Variants in ASXL3 observed in about 807,000 individuals in gnomAD.
ASXL3 encodes the protein putative Polycomb group protein ASXL3.
In ASXL3, 34 loss-of-function variants were observed where a neutral mutation model predicts 170.6. That is an observed-to-expected ratio of 0.20 (90% CI 0.15 to 0.27). The LOEUF is 0.27. Among genes scored for constraint, ASXL3 ranks in the 10% least tolerant of loss-of-function variants. The pLI is 1.00. For missense variants in ASXL3, 2,592 were observed against 2,695.3 expected, an observed-to-expected ratio of 0.96 and a Z score of 0.85; for synonymous variants, 1,002 against 989.1, an observed-to-expected ratio of 1.01 and a Z score of -0.24.
At chr18:33,713,248 G>GTTTTTTTTTTTTT (rs1226619353) in intron 8 of ASXL3, among the ~76,000 whole-genome samples, 1 of 65,086 alleles carries the variant, frequency 1.5e-5, no homozygotes, top group Non-Finnish European at 2.9e-5. Context: ...GTTTTGTTTT[G>GTTTTTTTTTTTTT]TTTTTTTTTT....
At chr18:33,688,552 A>AG (rs1358136693) in intron 8 of ASXL3, among the ~76,000 whole-genome samples, 7 of 152,190 alleles carry the variant, frequency 4.6e-5, no homozygotes, top group Admixed American at 2.6e-4. Context: ...ATCACAGAGA[A>AG]GTATATGTAT....
intron 5 of ASXL3, 87 bp downstream of exon 5, chr18:33,661,824 A>ATTT (rs1396646863): frequency 1.3e-3 from 1,867 of 1,385,840 alleles, no homozygotes; most frequent in Non-Finnish European, 1.7e-3. Flanking sequence ...ACAATAACCT[A>ATTT]GCAATCAGAA....
Position 33,745,916 on chromosome 18 carries a change from C to T in ASXL3, c.6068C>T (p.Pro2023Leu). The T allele has an allele frequency of 1.3e-6, 2 of 1,577,436 alleles. No individual in the cohort carries two copies. Among genetic ancestry groups the T allele is most frequent in the East Asian group, 2.3e-5 (1 of 43,680 alleles). ...ALVHPPPPPP[P>L]PPPPPLALPP... ...GTACATCCGCCGCCGCCACCGCCTC[C>T]CCCTCCCCCTCCACCCTTGGCTTTG... Residue 2023 changes from proline to leucine, a missense_variant, in exon 12 of 12, where the codon CCC becomes CTC. Transcript: ENST00000269197.
chr18:33,581,915 A>G (rs998401081), intron 1 of ASXL3, among the ~76,000 whole-genome samples: 6 of 152,194 alleles, frequency 3.9e-5, no homozygotes, highest in African/African-American at 1.4e-4. Context: ...TAAAACAGTA[A>G]TACCACATCT....
rs1304339834 is a variant in ASXL3, at chr18:33,739,391, A to T, written c.1987A>T (p.Asn663Tyr). 6.2e-7 allele frequency: 1 copy of T among 1,613,856 alleles called. No homozygotes were observed. Residue 663 changes from asparagine to tyrosine, a missense_variant, in exon 11 of 12, where the codon AAC (asparagine) becomes TAC (tyrosine). Asn to Tyr is a moderately radical substitution (Grantham distance 143). This residue lies in a region of ASXL3 where 2,246 missense variants were observed against 2,219.6 expected (regional missense o/e 1.01). Transcript: ENST00000269197. The stretch of plus-strand genomic sequence containing the variant: ...TAGCACTGAAAATACAGACAAATAC[A>T]ACCAGAGAAATTCCACTGATGAAAA... The part of the protein sequence containing the change: ...VSSTENTDKY[N>Y]QRNSTDENFH...
At chr18:33,690,855 C>T (rs8086460) in intron 8 of ASXL3, among the ~76,000 whole-genome samples, 88,311 of 151,980 alleles carry the variant, frequency 0.58, 26,449 homozygotes, top group East Asian at 0.9. Flanking sequence ...TTTTCCTCTT[C>T]CTGTTAGACT....
chr18:33,742,814 T>TTATC (rs776086127), intron 11 of ASXL3, 74 bp from the exon 12 acceptor site: 33 of 1,484,030 alleles, frequency 2.2e-5, no homozygotes, highest in Non-Finnish European at 3.0e-5. Flanking sequence ...TTCCCTTGCA[T>TTATC]TATCACATTC....
rs779643411 is a variant in ASXL3, at chr18:33,740,054, T to C, written c.2650T>C (p.Ser884Pro). 7 of 1,613,934 alleles carry C rather than the reference T, an allele frequency of 4.3e-6. No homozygotes were observed. In the Admixed American group the frequency reaches 5.0e-5, roughly 12 times the overall value. ...AGTGTTACCTTCACCATTGGAATTATCTGTCTTTTCTGAAGGGACAGATAA... is the reference window on the plus strand; with the variant it reads ...AGTGTTACCTTCACCATTGGAATTACCTGTCTTTTCTGAAGGGACAGATAA... ...KKVLPSPLELSVFSEGTDNKG... is the reference protein window; with the variant it reads ...KKVLPSPLELPVFSEGTDNKG... The change falls in exon 11 of 12, where the codon TCT becomes CCT. Residue 884 changes from serine (S) to proline (P), a missense_variant. By Grantham distance (74) the Ser-to-Pro change is moderately conservative. Around this residue, in one of 4 missense-constraint regions of ASXL3, gnomAD observed 2,246 missense variants for 2,219.6 expected, o/e 1.01. Coordinates refer to ENST00000269197, the MANE Select transcript of ASXL3 (RefSeq NM_030632.3).
intron 1 of ASXL3, among the ~76,000 whole-genome samples, chr18:33,594,789 T>A (rs913848121): frequency 6.6e-6 from 1 of 152,040 alleles, no homozygotes; most frequent in Admixed American, 6.6e-5. Context: ...ACCAGGCTGG[T>A]CTCTCATACT....
chr18:33,582,048 T>C (rs2064997500), intron 1 of ASXL3, among the ~76,000 whole-genome samples: 1 of 152,188 alleles, frequency 6.6e-6, no homozygotes, highest in Non-Finnish European at 1.5e-5. Flanking sequence ...TGCCATTTAA[T>C]ATGGAGTCTG....
intron 10 of ASXL3, 129 bp downstream of exon 10, chr18:33,734,544 G>A (rs2067512936): frequency 8.4e-6 from 4 of 475,966 alleles, no homozygotes; most frequent in South Asian, 6.8e-5. Context: ...GTCCCTCAGT[G>A]TAAGAAATTG....
At chr18:33,738,060 T>TA (rs1473024382) in intron 10 of ASXL3, among the ~76,000 whole-genome samples, 2 of 152,162 alleles carry the variant, frequency 1.3e-5, no homozygotes, top group African/African-American at 4.8e-5. Context: ...CTTTACAAAA[T>TA]AAAAATCTAG....
intron 1 of ASXL3, among the ~76,000 whole-genome samples, chr18:33,598,989 T>G (rs2065156723): frequency 6.6e-6 from 1 of 152,152 alleles, no homozygotes; most frequent in African/African-American, 2.4e-5. Flanking sequence ...TTAAAAGTAT[T>G]AAATGAACTC....
At chr18:33,691,835 C>T (rs1002764573) in intron 8 of ASXL3, among the ~76,000 whole-genome samples, 10 of 152,148 alleles carry the variant, frequency 6.6e-5, no homozygotes, top group African/African-American at 2.4e-4. Context: ...ATGTGGAGGG[C>T]ATTCCAATAG....
At chr18:33,698,972 C>G (rs1302201819) in intron 8 of ASXL3, among the ~76,000 whole-genome samples, 1 of 152,020 alleles carries the variant, frequency 6.6e-6, no homozygotes, top group Non-Finnish European at 1.5e-5. Flanking sequence ...AGTTGCTTCA[C>G]TAAAATAATA....
intron 7 of ASXL3, among the ~76,000 whole-genome samples, chr18:33,677,349 T>C (rs952596334): frequency 5.3e-5 from 8 of 152,196 alleles, no homozygotes; most frequent in Non-Finnish European, 1.0e-4. Flanking sequence ...TCTTACTGTG[T>C]ATCTATAGCC....
At chr18:33,612,630 T>C (rs925865300) in intron 2 of ASXL3, among the ~76,000 whole-genome samples, 1 of 152,076 alleles carries the variant, frequency 6.6e-6, no homozygotes, top group Non-Finnish European at 1.5e-5. Flanking sequence ...TGTACTGTGG[T>C]TTATTAAATA....
chr18:33,699,644 G>T (rs866880335), intron 8 of ASXL3, among the ~76,000 whole-genome samples: 2 of 152,014 alleles, frequency 1.3e-5, no homozygotes, highest in Non-Finnish European at 2.9e-5. Context: ...GAGAATATTT[G>T]CATAGAACTC....
intron 2 of ASXL3, among the ~76,000 whole-genome samples, chr18:33,632,617 G>A (rs1283935756): frequency 6.6e-6 from 1 of 152,068 alleles, no homozygotes; most frequent in East Asian, 1.9e-4. Flanking sequence ...CATTTTGTCA[G>A]TGTCTTTGTC....
Sources: gnomAD v4.1 joint callset for allele counts (sites outside exome capture counted in the v4.1 genomes callset) on GRCh38, gnomAD v4.1.1 for gene constraint, gnomAD v4.1.1 regional missense constraint, MANE v1.5 for transcripts, NCBI Gene and HGNC (gene_info 2026-07-23, HGNC 2026-07-21) for gene names.